The following STPG4 variants were observed in gnomAD, a reference collection of about 807,000 sequenced individuals.
STPG4 encodes the protein sperm-tail PG-rich repeat containing 4.
A neutral mutation model predicts 31.5 loss-of-function variants in STPG4; 41 were observed. The ratio of observed to expected loss-of-function variants is 1.30; its 90% CI spans 1.01 to 1.69. STPG4 has a LOEUF of 1.69. Among genes scored for constraint, STPG4 ranks in the 40% most tolerant of loss-of-function variants. The pLI, the probability that STPG4 is intolerant of heterozygous loss-of-function variation, is 0.00. For missense variants in STPG4, 375 were observed against 293.4 expected, an observed-to-expected ratio of 1.28 and a Z score of -2.03; for synonymous variants, 141 against 103.0, an observed-to-expected ratio of 1.37 and a Z score of -2.24.
intron 4 of STPG4, 40 bp downstream of exon 4, chr2:47,130,156 G>A (rs1248145123): frequency 2.5e-6 from 4 of 1,571,482 alleles, no homozygotes; most frequent in Non-Finnish European, 3.5e-6. Flanking sequence ...GTGTAGGTAT[G>A]TAAACAGAAA....
At chr2:47,099,623 C>G (rs933674931) in intron 5 of STPG4, among the ~76,000 whole-genome samples, 3 of 152,294 alleles carry the variant, frequency 2.0e-5, no homozygotes, top group Admixed American at 2.0e-4. Context: ...TGGGCTCCCA[C>G]TTTGGCGGCA....
chr2:47,151,619 CA>C (rs1164488396), intron 2 of STPG4, 104 bp from the exon 3 acceptor site: 1 of 915,908 alleles, frequency 1.1e-6, no homozygotes, highest in Non-Finnish European at 1.7e-6. Context: ...TCTTTGTTTT[CA>C]AGTTTAATGA....
At chr2:47,132,701 T>A (rs975439214) in intron 3 of STPG4, among the ~76,000 whole-genome samples, 1 of 152,228 alleles carries the variant, frequency 6.6e-6, no homozygotes, top group Admixed American at 6.5e-5. Flanking sequence ...ATTTCCTGAT[T>A]CTGATGACAA....
At chr2:47,127,773 C>T (rs1686394234) in intron 5 of STPG4, among the ~76,000 whole-genome samples, 1 of 152,158 alleles carries the variant, frequency 6.6e-6, no homozygotes, top group Non-Finnish European at 1.5e-5. Flanking sequence ...TTTGTCAAAA[C>T]AGCTATTTTG....
At chr2:47,117,598 T>A (rs943087337) in intron 5 of STPG4, among the ~76,000 whole-genome samples, 5 of 152,236 alleles carry the variant, frequency 3.3e-5, no homozygotes, top group African/African-American at 9.6e-5. Context: ...ACCTTGTGAA[T>A]CACAGACTCT....
chr2:47,152,695 G>C (rs1212150662), intron 2 of STPG4, among the ~76,000 whole-genome samples: 1 of 152,126 alleles, frequency 6.6e-6, no homozygotes, highest in African/African-American at 2.4e-5. Flanking sequence ...AAGAGCATAG[G>C]TTAGCCTTAT....
chr2:47,096,126 A>G (rs1382138350), intron 5 of STPG4, among the ~76,000 whole-genome samples: 1 of 152,242 alleles, frequency 6.6e-6, no homozygotes, highest in African/African-American at 2.4e-5. Context: ...CTTAGTCCTC[A>G]TCGACCAAGT....
intron 5 of STPG4, among the ~76,000 whole-genome samples, chr2:47,112,370 C>A (rs185935505): frequency 1.3e-5 from 2 of 152,022 alleles, no homozygotes; most frequent in African/African-American, 2.4e-5. Flanking sequence ...GCAGTTTCAC[C>A]ATGTTGGCCA....
At chr2:47,092,065 A>G (rs72808547) in intron 5 of STPG4, among the ~76,000 whole-genome samples, 12,318 of 143,662 alleles carry the variant, frequency 0.086, 778 homozygotes, top group Non-Finnish European at 0.11. Context: ...TTATCTCAGA[A>G]TGTTCATAAA....
chr2:47,106,459 T>G (rs182847829), intron 5 of STPG4, among the ~76,000 whole-genome samples: 2 of 152,054 alleles, frequency 1.3e-5, no homozygotes. Context: ...AACTTCATTA[T>G]CCTACTACCA....
intron 3 of STPG4, among the ~76,000 whole-genome samples, chr2:47,141,787 T>C (rs1686717123): frequency 6.6e-6 from 1 of 151,784 alleles, no homozygotes; most frequent in African/African-American, 2.4e-5. Context: ...CTAAAATGAG[T>C]GTTCAGATCA....
At chr2:47,103,465 G>A (rs1685841774) in intron 5 of STPG4, among the ~76,000 whole-genome samples, 1 of 151,788 alleles carries the variant, frequency 6.6e-6, no homozygotes, top group Non-Finnish European at 1.5e-5. Flanking sequence ...TCTATAAGAG[G>A]GACCAAGAGG....
At chr2:47,088,595 G>T (rs943691975) in intron 6 of STPG4, among the ~76,000 whole-genome samples, 1 of 152,322 alleles carries the variant, frequency 6.6e-6, no homozygotes, top group East Asian at 1.9e-4. Flanking sequence ...GGCTTGGACA[G>T]GCCAGCAGTT....
chr2:47,115,415 G>T (rs1454529862), intron 5 of STPG4, among the ~76,000 whole-genome samples: 2 of 152,028 alleles, frequency 1.3e-5, no homozygotes, highest in Non-Finnish European at 2.9e-5. Context: ...TTTTAAAATG[G>T]TATTTGGGAG....
intron 6 of STPG4, among the ~76,000 whole-genome samples, chr2:47,088,341 G>A (rs1047835280): frequency 5.9e-5 from 9 of 152,132 alleles, no homozygotes; most frequent in South Asian, 2.1e-4. Context: ...TTCTTAGGTC[G>A]GTGTCTTCCC....
intron 3 of STPG4, among the ~76,000 whole-genome samples, chr2:47,149,950 G>C (rs527631128): frequency 6.6e-6 from 1 of 152,116 alleles, no homozygotes; most frequent in South Asian, 2.1e-4. Flanking sequence ...CATTCAAGGC[G>C]AGGGGCACAT....
chr2:47,087,003 T>A lies in STPG4; in HGVS notation c.*5A>T. On this transcript the variant is annotated 3_prime_UTR_variant, in exon 7 of 7. Coordinates refer to ENST00000445927, the MANE Select transcript of STPG4 (RefSeq NM_001163561.2). ...CTCAAAGTAGAGCTTGGTGCCAAGA[T>A]CACTTTATTTTAAAAGCCAATTGTT... 6.4e-7 allele frequency: 1 copy of A among 1,551,660 alleles called. No individual in the cohort carries two copies. The highest frequency in any genetic ancestry group is 1.2e-5 in the South Asian group (1 of 84,062).
At chr2:47,128,237 GA>G (rs1359708237) in intron 5 of STPG4, among the ~76,000 whole-genome samples, 1 of 152,112 alleles carries the variant, frequency 6.6e-6, no homozygotes, top group Non-Finnish European at 1.5e-5. Context: ...AAAGCTGAGG[GA>G]CGGGTGACAC....
intron 5 of STPG4, among the ~76,000 whole-genome samples, chr2:47,104,307 G>C (rs995336231): frequency 1.1e-4 from 17 of 152,082 alleles, no homozygotes; most frequent in African/African-American, 4.1e-4. Context: ...TTAAACATTT[G>C]AAAGCTCACG....
Sources: gnomAD v4.1 joint callset for allele counts (sites outside exome capture counted in the v4.1 genomes callset) on GRCh38, gnomAD v4.1.1 for gene constraint, MANE v1.5 for transcripts, NCBI Gene and HGNC (gene_info 2026-07-23, HGNC 2026-07-21) for gene names.